Variants in ESD observed in about 807,000 individuals in gnomAD.
ESD encodes esterase D.
A neutral mutation model predicts 38.1 loss-of-function variants in ESD; 34 were observed. That is an observed-to-expected ratio of 0.89 (90% CI 0.68 to 1.19). The LOEUF (loss-of-function observed/expected upper bound fraction) is 1.19. Among genes scored for constraint, ESD ranks in the 50% most tolerant of loss-of-function variants. The pLI is 0.00. For synonymous variants in ESD, 97 were observed against 107.0 expected (o/e 0.91, Z 0.58); for missense variants, 334 against 327.2 (o/e 1.02, Z -0.16).
chr13:46,771,299 A>G lies in ESD; in HGVS notation c.*117T>C. ...TCAGAGGTGATTCAACTATAGAATA[A>G]AGCCCTTTTAGCACTATAAAATCCA... On this transcript the variant is annotated 3_prime_UTR_variant, in exon 10 of 10. Transcript: ENST00000378720. The G allele has an allele frequency of 1.6e-6, 1 of 620,126 alleles. No individual in the cohort carries two copies. The highest frequency in any genetic ancestry group is 2.8e-6 in the Non-Finnish European group (1 of 356,222). 38.4% of individuals were successfully genotyped at this position (620,126 alleles called of 1,614,324 possible). A position where few individuals can be genotyped will look rare whatever the true frequency, so the allele number is the denominator to read the frequency against.
chr13:46,786,893 T>G (rs1009839076), intron 4 of ESD, 128 bp downstream of exon 4: 3 of 448,604 alleles, frequency 6.7e-6, no homozygotes, highest in Non-Finnish European at 1.2e-5. Context: ...CAGAGTAGAC[T>G]ATGACAGGTC....
In ESD at chr13:46,793,693, C is replaced by T. The variant is rs189814498; in HGVS notation, c.-55-249G>A. On this transcript the variant is annotated intron_variant, in intron 1 of 9. Coordinates refer to ENST00000378720, the MANE Select transcript of ESD (RefSeq NM_001984.2). Reference sequence around the variant, plus strand: ...GTTGGTACTTGGTCAAAACCATCTGCTGAAGTAAAAGTACTATGAAAGTTT... The same window carrying T: ...GTTGGTACTTGGTCAAAACCATCTGTTGAAGTAAAAGTACTATGAAAGTTT... Among the ~76,000 whole-genome samples, 9 of 152,272 alleles carry T rather than the reference C, an allele frequency of 5.9e-5. 1 individual carries two copies. Among genetic ancestry groups the T allele is most frequent in the African/African-American group, 2.2e-4 (9 of 41,566 alleles).
chr13:46,784,492 G>T, intron 4 of ESD, 142 bp from the exon 5 acceptor site: 1 of 584,824 alleles, frequency 1.7e-6, no homozygotes, highest in Non-Finnish European at 3.0e-6. Flanking sequence ...CACTACCCGG[G>T]TGATGGTATC....
chr13:46,775,632 T>A, intron 9 of ESD: 1 of 470,632 alleles, frequency 2.1e-6, no homozygotes, highest in Non-Finnish European at 4.4e-6. Flanking sequence ...GTTGATTCAA[T>A]TACAACGAAT....
chr13:46,779,832 C>G, intron 8 of ESD, 103 bp downstream of exon 8: 1 of 618,460 alleles, frequency 1.6e-6, no homozygotes, highest in South Asian at 2.2e-5. Context: ...TGTCTCAGCT[C>G]TAGAGCCCTA....
rs759577719 is a variant in ESD, at chr13:46,791,328, T to C, written c.68+18A>G. 2 of 1,582,774 alleles carry C rather than the reference T, an allele frequency of 1.3e-6. No homozygotes were observed. Among genetic ancestry groups the C allele is most frequent in the East Asian group, 2.2e-5 (1 of 44,598 alleles). ...CAACAGAATGAGGTATCTAAAATTA[T>C]ATCTTCTTAATAGTTACCTGTCATG... On this transcript the variant is annotated intron_variant, in intron 3 of 9. Coordinates refer to ENST00000378720, the MANE Select transcript of ESD (RefSeq NM_001984.2).
At chr13:46,797,640 C>T (rs1363071249), upstream of ESD, among the ~76,000 whole-genome samples, 1 of 152,208 alleles carries the variant, frequency 6.6e-6, no homozygotes, top group Non-Finnish European at 1.5e-5. Context: ...TTGAAATCTC[C>T]AGTGGCCGAC....
chr13:46,778,236 A>G lies in ESD; in HGVS notation c.601-613T>C, dbSNP rs74080905. Among the ~76,000 whole-genome samples the G allele has an allele frequency of 3.5e-3, 536 of 151,934 alleles. 3 individuals are homozygous for G. Among genetic ancestry groups the G allele is most frequent in the African/African-American group, 0.012 (517 of 41,512 alleles). On this transcript the variant is annotated intron_variant, in intron 8 of 9. Transcript: ENST00000378720. ...TCTCTGAGGAGCTGCCACTAGTTAC[A>G]ATTTTATGTTTTATCATCCACCTCG...
intron 1 of ESD, among the ~76,000 whole-genome samples, chr13:46,794,097 A>G (rs983000121): frequency 2.6e-5 from 4 of 151,996 alleles, no homozygotes; most frequent in African/African-American, 9.7e-5. Flanking sequence ...TGGGAGAAAT[A>G]GGGTGACAGA....
At chr13:46,778,919 A>C (rs1230346493) in intron 8 of ESD, among the ~76,000 whole-genome samples, 1 of 151,846 alleles carries the variant, frequency 6.6e-6, no homozygotes, top group African/African-American at 2.4e-5. Context: ...TCCTTACATA[A>C]AATAGGGGTT....
At position 46,784,358 on chromosome 13, in the gene ESD, T is replaced by G; in HGVS notation, c.158-8A>C. Reference sequence around the variant, plus strand: ...GCTCTGTGCAAGTTAAACCTGAAGATAAAAAATATTGTTATTGGGCACACA... The same window carrying G: ...GCTCTGTGCAAGTTAAACCTGAAGAGAAAAAATATTGTTATTGGGCACACA... On this transcript the variant is annotated splice_region_variant and splice_polypyrimidine_tract_variant and intron_variant, in intron 4 of 9. Transcript: ENST00000378720. 2 of 1,579,986 alleles carry G rather than the reference T, an allele frequency of 1.3e-6. No individual in the cohort carries two copies. The highest frequency in any genetic ancestry group is 2.2e-5 in the South Asian group (2 of 90,282).
At chr13:46,782,856 T>C in intron 5 of ESD, 65 bp from the exon 6 acceptor site, 1 of 1,575,314 alleles carries the variant, frequency 6.3e-7, no homozygotes, top group Non-Finnish European at 8.6e-7. Flanking sequence ...AATAACACAC[T>C]TTCAGATGAA....
chr13:46,781,837 T>C (rs968784984), intron 6 of ESD, among the ~76,000 whole-genome samples: 5 of 151,830 alleles, frequency 3.3e-5, no homozygotes, highest in African/African-American at 1.2e-4. Context: ...GAAAACACTT[T>C]AGGAAGGTGA....
At chr13:46,775,696 G>T (rs559658198) in intron 9 of ESD, 1 of 468,888 alleles carries the variant, frequency 2.1e-6, no homozygotes, top group Non-Finnish European at 4.4e-6. Context: ...GACCATGCTG[G>T]AAGTAAAGTG....
chr13:46,782,611 T>G, intron 6 of ESD, 56 bp downstream of exon 6: 1 of 1,581,206 alleles, frequency 6.3e-7, no homozygotes, highest in South Asian at 1.1e-5. Flanking sequence ...GACTTTGTGT[T>G]CAAAATCAAA....
In ESD at chr13:46,784,287, T is replaced by C; in HGVS notation, c.221A>G (p.His74Arg). 6.2e-7 allele frequency: 1 copy of C among 1,611,954 alleles called. No individual in the cohort carries two copies. The highest frequency in any genetic ancestry group is 1.3e-5 in the African/African-American group (1 of 74,914). The change falls in exon 5 of 10, where the codon CAT (histidine) becomes CGT (arginine). Residue 74 changes from histidine (H) to arginine (R), a missense_variant. Coordinates refer to ENST00000378720, the MANE Select transcript of ESD (RefSeq NM_001984.2). ...KSGYHQSASE[H>R]GLVVIAPDTS... Reference sequence around the variant, plus strand: ...ATCTGGAGCAATGACAACAAGACCATGTTCTGAAGCAGACTGATGATAACC... The same window carrying C: ...ATCTGGAGCAATGACAACAAGACCACGTTCTGAAGCAGACTGATGATAACC...
At position 46,771,463 on chromosome 13, in the gene ESD, A is replaced by C; in HGVS notation, c.802T>G (p.Phe268Val). ...YDHSYYFIAT[F>V]ITDHIRHHAK... ...TGATGTCTGATGTGGTCAGTAATAA[A>C]GGTTGCAATGAAGTAGTAGCTATGA... Residue 268 changes from phenylalanine (F) to valine (V), a missense_variant, in exon 10 of 10, where the codon TTT becomes GTT. Transcript: ENST00000378720. 1 of 1,608,678 alleles carries C rather than the reference A, an allele frequency of 6.2e-7. No individual in the cohort carries two copies. Among genetic ancestry groups the C allele is most frequent in the Non-Finnish European group, 8.5e-7 (1 of 1,175,930 alleles).
In ESD at chr13:46,771,487, G is replaced by T; in HGVS notation, c.778C>A (p.His260Asn). 6.3e-7 allele frequency: 1 copy of T among 1,593,870 alleles called. No homozygotes were observed. The highest frequency in any genetic ancestry group is 1.1e-5 in the South Asian group (1 of 90,332). ...VVFRLQEGYDHSYYFIATFIT... is the reference protein window; with the variant it reads ...VVFRLQEGYDNSYYFIATFIT... ...AAGGTTGCAATGAAGTAGTAGCTAT[G>T]ATCATAACCCTAGAAGATAAAGAGA... Residue 260 changes from histidine to asparagine, a missense_variant, in exon 10 of 10, where the codon CAT (histidine) becomes AAT (asparagine). His to Asn is a moderately conservative substitution (Grantham distance 68). Coordinates refer to ENST00000378720, the MANE Select transcript of ESD (RefSeq NM_001984.2).
chr13:46,795,930 G>A (rs1229005687), intron 1 of ESD, among the ~76,000 whole-genome samples: 3 of 151,954 alleles, frequency 2.0e-5, no homozygotes, highest in Non-Finnish European at 2.9e-5. Flanking sequence ...ATTTTTTGTA[G>A]AGGAGGTTTT....
Sources: allele counts gnomAD v4.1 joint callset (sites outside exome capture counted in the v4.1 genomes callset), GRCh38; gene constraint gnomAD v4.1.1; transcripts MANE v1.5; gene names NCBI Gene and HGNC (gene_info 2026-07-23, HGNC 2026-07-21).